The following UBR4 variants were observed in gnomAD, a reference collection of about 807,000 sequenced individuals.
The protein encoded by UBR4 is E3 ubiquitin-protein ligase UBR4.
A neutral mutation model predicts 575.6 loss-of-function variants in UBR4; 124 were observed. That is an observed-to-expected ratio of 0.22 (90% CI 0.19 to 0.25). UBR4 has a LOEUF of 0.25. Among genes scored for constraint, UBR4 ranks in the 10% least tolerant of loss-of-function variants. UBR4 has a pLI of 1.00. For synonymous variants in UBR4, 2,455 were observed against 2,473.7 expected, an observed-to-expected ratio of 0.99 and a Z score of 0.22; for missense variants, 4,818 against 6,478.8, an observed-to-expected ratio of 0.74 and a Z score of 8.80.
rs1185591075 is a variant in UBR4, at chr1:19,150,770, C to T, written c.7237G>A (p.Gly2413Ser). Reference sequence around the variant, plus strand: ...TTTACAGCATCTATCATGGTGACACCTGCTGGATCCACCGAGGCCCCAACT... The same window carrying T: ...TTTACAGCATCTATCATGGTGACACTTGCTGGATCCACCGAGGCCCCAACT... The part of the protein sequence containing the change: ...LFIGASVDPA[G>S]VTMIDAVKIY... Residue 2413 changes from glycine (G) to serine (S), a missense_variant, in exon 49 of 106, where the codon GGT becomes AGT. By Grantham distance (56) the Gly-to-Ser change is moderately conservative. Around this residue, in one of 29 missense-constraint regions of UBR4, gnomAD observed 340 missense variants for 375.4 expected, o/e 0.91. Coordinates refer to ENST00000375254, the MANE Select transcript of UBR4 (RefSeq NM_020765.3). 3.1e-6 allele frequency: 5 copies of T among 1,613,906 alleles called. No individual in the cohort carries two copies. Among genetic ancestry groups the T allele is most frequent in the Admixed American group, 1.7e-5 (1 of 59,998 alleles).
In UBR4 at chr1:19,153,116, A is replaced by C. The variant is rs963409742; in HGVS notation, c.6832+185T>G. ...AGGCACCAAAGAACTGCTGGCCTGA[A>C]ACAGGCAGCCAATGGGTGCTTGACA... On this transcript the variant is annotated intron_variant, in intron 46 of 105. Coordinates refer to ENST00000375254, the MANE Select transcript of UBR4 (RefSeq NM_020765.3). This position sits in a 1 kb window ranked among gnomAD's most constrained non-coding sequence, Gnocchi z 4.1. 3.9e-5 allele frequency among the ~76,000 whole-genome samples: 6 copies of C among 152,246 alleles called. No individual in the cohort carries two copies. Among genetic ancestry groups the C allele is most frequent in the African/African-American group, 1.4e-4 (6 of 41,472 alleles).
chr1:19,112,468 T>C (rs2080010058), intron 78 of UBR4, 56 bp downstream of exon 78: 2 of 1,536,218 alleles, frequency 1.3e-6, no homozygotes, highest in Non-Finnish European at 8.8e-7. Flanking sequence ...GCTCCTGGCA[T>C]GGCTGCCAGT....
chr1:19,210,196 G>A lies in UBR4; in HGVS notation c.53C>T (p.Thr18Ile), dbSNP rs1438988579. The A allele has an allele frequency of 2.0e-6, 3 of 1,476,838 alleles. No homozygotes were observed. Among genetic ancestry groups the A allele is most frequent in the Non-Finnish European group, 2.7e-6 (3 of 1,118,670 alleles). The allele number at this position is 1,476,838 out of a possible 1,614,324, so 91.5% of individuals were successfully genotyped here. A position where few individuals can be genotyped will look rare whatever the true frequency, so the allele number is the denominator to read the frequency against. The change falls in exon 1 of 106, where the codon ACC becomes ATC. Residue 18 changes from threonine (T) to isoleucine (I), a missense_variant. This residue lies in a region of UBR4 where 95 missense variants were observed against 87.7 expected (regional missense o/e 1.08). Transcript: ENST00000375254. ...EAAAAAPAPG[T>I]PATGADTTPG... ...GGTCGTGTCCGCCCCCGTTGCCGGG[G>A]TCCCCGGCGCCGGAGCCGCTGCCGC...
Position 19,089,581 on chromosome 1 carries a change from T to C in UBR4, c.14212-604A>G, listed in dbSNP as rs566084772. On this transcript the variant is annotated intron_variant, in intron 97 of 105. Transcript: ENST00000375254. This position sits in a 1 kb window ranked among gnomAD's most constrained non-coding sequence, Gnocchi z 4.3. ...TGAAAAAGCTGGAAGTCACTACGTA[T>C]AGCGCTATGTGATAAACGGGGGTGG... 3.9e-5 allele frequency among the ~76,000 whole-genome samples: 6 copies of C among 152,286 alleles called. 1 individual carries two copies. The East Asian group carries it at 1.2e-3, about 29-fold the overall frequency.
rs570956440 is a variant in UBR4 at position 19,160,759 on chromosome 1, C to T, written c.5406+158G>A. Among the ~76,000 whole-genome samples the T allele has an allele frequency of 3.9e-5, 6 of 152,286 alleles. No individual in the cohort carries two copies. The South Asian group carries it at 1.2e-3, about 32-fold the overall frequency. ...TAATAGTGCTCAGTCATAAATCCTT[C>T]CCTCGTGACGACAATACATAGTATT... On this transcript the variant is annotated intron_variant, in intron 38 of 105. Transcript: ENST00000375254.
At chr1:19,150,491 AG>A in intron 49 of UBR4, 85 bp downstream of exon 49, 2 of 1,438,264 alleles carry the variant, frequency 1.4e-6, no homozygotes, top group Non-Finnish European at 9.7e-7. Flanking sequence ...GATGGTTATT[AG>A]AAGCTGGCTC....
rs368349337 is a variant in UBR4, at chr1:19,152,454, C to T, written c.6855G>A (p.Val2285=). 9 of 1,613,836 alleles carry T rather than the reference C, an allele frequency of 5.6e-6. No homozygotes were observed. In the African/African-American group the frequency reaches 1.2e-4, roughly 22 times the overall value. ...GTTCAAAAAAGTCAATGGGGAAAGT[C>T]ACCTGGCTAGACGTGCGGGTTGCTG... ...ATITTRTSSQ[V]TFPIDFFEHN... is the part of the protein sequence containing the mutation. Residue 2285 remains valine, a synonymous_variant, in exon 47 of 106, where the codon GTG becomes GTA. Coordinates refer to ENST00000375254, the MANE Select transcript of UBR4 (RefSeq NM_020765.3). This position sits in a 1 kb window ranked among gnomAD's most constrained non-coding sequence, Gnocchi z 4.4.
chr1:19,160,123 T>C lies in UBR4; in HGVS notation c.5565A>G (p.Thr1855=), dbSNP rs755926673. ...LHTVEKAVEM[T]DQLMVPTLGS... ...CCAAGACACTCACCATCAGCTGGTCTGTCATCTCCACTGCCTTCTCCACAG... is the reference window on the plus strand; with the variant it reads ...CCAAGACACTCACCATCAGCTGGTCCGTCATCTCCACTGCCTTCTCCACAG... The change falls in exon 39 of 106, where the codon ACA becomes ACG. Residue 1855 remains threonine, a synonymous_variant. Transcript: ENST00000375254. 3 of 1,610,024 alleles carry C rather than the reference T, an allele frequency of 1.9e-6. No individual in the cohort carries two copies. The Admixed American group carries it at 5.1e-5, about 27-fold the overall frequency.
chr1:19,095,133 T>TGTGTGTATGACC, intron 93 of UBR4, 108 bp from the exon 94 acceptor site: 1 of 1,516,608 alleles, frequency 6.6e-7, no homozygotes, highest in Non-Finnish European at 9.1e-7. Flanking sequence ...CCAGAGACCA[T>TGTGTGTATGACC]GTGTGTATGA....
chr1:19,199,508 T>C, intron 3 of UBR4, 143 bp downstream of exon 3: 2 of 670,510 alleles, frequency 3.0e-6, no homozygotes, highest in Non-Finnish European at 5.0e-6. Flanking sequence ...CATAGTTAAC[T>C]AGCTGCAACA....
intron 21 of UBR4, 87 bp from the exon 22 acceptor site, chr1:19,174,534 T>A (rs1345903170): frequency 2.7e-6 from 4 of 1,495,278 alleles, no homozygotes; most frequent in Non-Finnish European, 3.6e-6. Context: ...TCCTCATGAT[T>A]GACAAAATAT....
chr1:19,156,175 A>AT (rs2086427137), intron 42 of UBR4, 96 bp downstream of exon 42: 3 of 1,517,112 alleles, frequency 2.0e-6, no homozygotes, highest in South Asian at 1.3e-5. Context: ...CACCCAGCTG[A>AT]TTTTTTTAAC....
intron 22 of UBR4, 150 bp downstream of exon 22, chr1:19,174,169 G>A: frequency 9.3e-7 from 1 of 1,076,296 alleles, no homozygotes; most frequent in Non-Finnish European, 1.3e-6. Context: ...GGTGAACATA[G>A]CTACACAAAC....
At chr1:19,208,979 G>A (rs2093164453) in intron 1 of UBR4, among the ~76,000 whole-genome samples, 1 of 152,168 alleles carries the variant, frequency 6.6e-6, no homozygotes, top group African/African-American at 2.4e-5. Context: ...AGCAAAATCC[G>A]TCTGTAAAGC....
In UBR4 at chr1:19,078,021, G is replaced by A. The variant is rs759846137; in HGVS notation, c.15279C>T (p.Ser5093=). 6.2e-7 allele frequency: 1 copy of A among 1,614,026 alleles called. No individual in the cohort carries two copies. Among genetic ancestry groups the A allele is most frequent in the African/African-American group, 1.3e-5 (1 of 74,986 alleles). Residue 5093 remains serine, a synonymous_variant, in exon 104 of 106, where the codon TCC becomes TCT. Transcript: ENST00000375254. Reference sequence around the variant, plus strand: ...GATCGACGAGGGCCCAAAAGAGAAGGGAAGAACGGTAAGCGGAATAGTCCT... The same window carrying A: ...GATCGACGAGGGCCCAAAAGAGAAGAGAAGAACGGTAAGCGGAATAGTCCT... The part of the protein sequence containing the change: ...AVKDYSAYRS[S]LLFWALVDLI...
intron 60 of UBR4, among the ~76,000 whole-genome samples, chr1:19,134,249 G>C (rs2082924842): frequency 6.6e-6 from 1 of 151,190 alleles, no homozygotes; most frequent in South Asian, 2.1e-4. Flanking sequence ...GTGAGACTCT[G>C]TCTCAAAAAT....
chr1:19,131,742 G>C (rs940127858), intron 60 of UBR4, among the ~76,000 whole-genome samples: 2 of 152,116 alleles, frequency 1.3e-5, no homozygotes, highest in African/African-American at 4.8e-5. Context: ...GCGTGGTCAC[G>C]CATGCCTGTA....
At chr1:19,165,496 C>A in intron 30 of UBR4, 147 bp from the exon 31 acceptor site, 1 of 1,044,006 alleles carries the variant, frequency 9.6e-7, no homozygotes, top group East Asian at 2.4e-5. Flanking sequence ...AACCCCCTCA[C>A]CAACAACCCC....
chr1:19,184,970 TC>T, intron 15 of UBR4, 128 bp downstream of exon 15: 1 of 1,144,456 alleles, frequency 8.7e-7, no homozygotes, highest in South Asian at 1.4e-5. Flanking sequence ...GACATATAAG[TC>T]CTAAGCAAAA....
Sources: gnomAD v4.1 joint callset for allele counts (sites outside exome capture counted in the v4.1 genomes callset) on GRCh38, gnomAD v4.1.1 for gene constraint, gnomAD v4.1.1 regional missense constraint, Gnocchi (gnomAD v3.1) non-coding constraint, MANE v1.5 for transcripts, NCBI Gene and HGNC (gene_info 2026-07-23, HGNC 2026-07-21) for gene names.